The following LAMB4 variants were observed in gnomAD, a reference collection of about 807,000 sequenced individuals.
LAMB4 encodes laminin subunit beta 4, also known as laminin subunit beta-4.
In LAMB4, 196 loss-of-function variants were observed where a neutral mutation model predicts 199.2. The ratio of observed to expected loss-of-function variants is 0.98; its 90% CI spans 0.88 to 1.11. The LOEUF (loss-of-function observed/expected upper bound fraction) is 1.11, where lower values mean the gene tolerates loss of function less well. LAMB4 is among the 50% of genes least tolerant of loss of function. The pLI, the probability that LAMB4 is intolerant of heterozygous loss-of-function variation, is 0.00. For synonymous variants in LAMB4, 744 were observed against 770.6 expected, an observed-to-expected ratio of 0.97 and a Z score of 0.57; for missense variants, 2,080 against 2,171.2, an observed-to-expected ratio of 0.96 and a Z score of 0.83.
intron 28 of LAMB4, among the ~76,000 whole-genome samples, chr7:108,046,961 C>T (rs1033792732): frequency 1.3e-5 from 2 of 151,572 alleles, no homozygotes; most frequent in Non-Finnish European, 2.9e-5. Context: ...GAGATACGGC[C>T]TCCCTGTGTT....
chr7:108,043,543 A>ATTTTTTTTTTT (rs1385299702), intron 29 of LAMB4, among the ~76,000 whole-genome samples: 1 of 59,694 alleles, frequency 1.7e-5, no homozygotes, highest in Non-Finnish European at 2.7e-5. Flanking sequence ...ACTGGCTATG[A>ATTTTTTTTTTT]TGTTTTTTTT....
intron 33 of LAMB4, chr7:108,027,041 G>C: frequency 2.6e-6 from 1 of 384,034 alleles, no homozygotes; most frequent in Non-Finnish European, 5.0e-6. Flanking sequence ...ATGGGGATCA[G>C]TGGAAACAAT....
intron 1 of LAMB4, 26 bp downstream of exon 1, chr7:108,130,280 C>T (rs2038932076): frequency 6.6e-6 from 1 of 152,126 alleles, no homozygotes; most frequent in Non-Finnish European, 1.5e-5. Context: ...TGCCAATTTG[C>T]TAGTGAGAGA....
intron 9 of LAMB4, among the ~76,000 whole-genome samples, chr7:108,103,772 A>G (rs403731): frequency 0.39 from 59,202 of 151,964 alleles, 11,835 homozygotes; most frequent in Admixed American, 0.42. Flanking sequence ...TGTCTTCATG[A>G]TAATGTCTAC....
chr7:108,028,472 A>ATTTTTTTTTTT (rs1195925912), intron 33 of LAMB4, among the ~76,000 whole-genome samples: 1 of 111,816 alleles, frequency 8.9e-6, no homozygotes, highest in Non-Finnish European at 1.8e-5. Context: ...AAAAAAGGGC[A>ATTTTTTTTTTT]TTTTTTTTTT....
chr7:108,079,887 T>A, intron 14 of LAMB4, 101 bp from the exon 15 acceptor site: 2 of 802,816 alleles, frequency 2.5e-6, no homozygotes, highest in Non-Finnish European at 3.8e-6. Flanking sequence ...TATTTCCTGG[T>A]GTGTATATGA....
downstream of LAMB4, among the ~76,000 whole-genome samples, chr7:108,019,092 T>C (rs2034639395): frequency 6.6e-6 from 1 of 152,176 alleles, no homozygotes; most frequent in South Asian, 2.1e-4. Context: ...GTAACAAATA[T>C]CCACACACTT....
At chr7:108,087,380 C>T (rs140973692) in intron 14 of LAMB4, among the ~76,000 whole-genome samples, 3 of 152,318 alleles carry the variant, frequency 2.0e-5, no homozygotes, top group Non-Finnish European at 2.9e-5. Context: ...AGACAGCCAA[C>T]GTCTGCTTTC....
At chr7:108,096,949 A>T (rs1435007380) in intron 11 of LAMB4, among the ~76,000 whole-genome samples, 3 of 126,676 alleles carry the variant, frequency 2.4e-5, no homozygotes, top group African/African-American at 9.5e-5. Flanking sequence ...CAAAAAAAAA[A>T]AAAAAAAAAA....
At chr7:108,123,278 G>T in intron 1 of LAMB4, 81 bp from the exon 2 acceptor site, 1 of 794,964 alleles carries the variant, frequency 1.3e-6, no homozygotes, top group Non-Finnish European at 2.1e-6. Context: ...AGTGCTTAGG[G>T]TTATCGAATG....
Position 108,103,114 on chromosome 7 carries a change from G to T in LAMB4, c.1110C>A (p.His370Gln). Residue 370 changes from histidine to glutamine, a missense_variant, in exon 10 of 34, where the codon CAC (histidine) becomes CAA (glutamine). His to Gln is a conservative substitution (Grantham distance 24). Coordinates refer to ENST00000388781, the MANE Select transcript of LAMB4 (RefSeq NM_007356.3). The part of the protein sequence containing the change: ...EDCQHNTEGQ[H>Q]CDRCRPLFYR... The stretch of plus-strand genomic sequence containing the variant: ...AGAAGAGGGGTCTGCAGCGGTCGCA[G>T]TGCTGCCCCTCAGTGTTGTGCTGGC... 6.2e-7 allele frequency: 1 copy of T among 1,613,900 alleles called. No homozygotes were observed. Among genetic ancestry groups the T allele is most frequent in the Non-Finnish European group, 8.5e-7 (1 of 1,179,860 alleles).
intron 26 of LAMB4, among the ~76,000 whole-genome samples, chr7:108,050,892 T>G (rs1393908209): frequency 1.3e-5 from 2 of 152,212 alleles, no homozygotes; most frequent in Non-Finnish European, 2.9e-5. Context: ...TTGAAGCAGC[T>G]TGAAGATGCT....
Position 108,052,123 on chromosome 7 carries a change from G to A in LAMB4, c.3890C>T (p.Ser1297Phe), listed in dbSNP as rs761572743. 2 of 1,611,218 alleles carry A rather than the reference G, an allele frequency of 1.2e-6. No homozygotes were observed. The highest frequency in any genetic ancestry group is 2.7e-5 in the African/African-American group (2 of 74,858). The change falls in exon 26 of 34, where the codon TCC becomes TTC. Residue 1297 changes from serine (S) to phenylalanine (F), a missense_variant. By Grantham distance (155) the Ser-to-Phe change is radical (BLOSUM62 -2). Coordinates refer to ENST00000388781, the MANE Select transcript of LAMB4 (RefSeq NM_007356.3). ...EDLQEEIDLQSSVLNASIADS... is the reference protein window; with the variant it reads ...EDLQEEIDLQFSVLNASIADS... ...CGCAATGCTTGCATTAAGGACACTGGATTGCAAATCAATTTCTTCCTGAAG... is the reference window on the plus strand; with the variant it reads ...CGCAATGCTTGCATTAAGGACACTGAATTGCAAATCAATTTCTTCCTGAAG...
intron 16 of LAMB4, 151 bp from the exon 17 acceptor site, chr7:108,077,215 G>T: frequency 1.4e-6 from 1 of 693,442 alleles, no homozygotes; most frequent in Non-Finnish European, 2.4e-6. Flanking sequence ...CAGCACAGGT[G>T]GGTTGGTTGG....
Position 108,066,433 on chromosome 7 carries a change from A to G in LAMB4, c.2614T>C (p.Cys872Arg). Reference sequence around the variant, plus strand: ...AAGCATGACCCTGTCTCAGGATCACAAAGTTCAGCAAACCTATTACAAGGG... The same window carrying G: ...AAGCATGACCCTGTCTCAGGATCACGAAGTTCAGCAAACCTATTACAAGGG... The part of the protein sequence containing the change: ...PCPCNRFAEL[C>R]DPETGSCFNC... The change falls in exon 20 of 34, where the codon TGT becomes CGT. Residue 872 changes from cysteine (C) to arginine (R), a missense_variant. Coordinates refer to ENST00000388781, the MANE Select transcript of LAMB4 (RefSeq NM_007356.3). 6.2e-7 allele frequency: 1 copy of G among 1,614,242 alleles called. No homozygotes were observed. The highest frequency in any genetic ancestry group is 2.2e-5 in the East Asian group (1 of 44,888).
At chr7:108,011,687 T>A in the LAMB4 span, among the ~76,000 whole-genome samples, 1 of 152,042 alleles carries the variant, frequency 6.6e-6, no homozygotes, top group Non-Finnish European at 1.5e-5. Flanking sequence ...CCAAAGTGCA[T>A]GGATTACAGG....
intron 10 of LAMB4, among the ~76,000 whole-genome samples, chr7:108,100,779 TA>T (rs1352903911): frequency 6.6e-6 from 1 of 152,178 alleles, no homozygotes; most frequent in Non-Finnish European, 1.5e-5. Flanking sequence ...TTTAAAACAA[TA>T]AAAGTTATGT....
chr7:108,113,598 G>T (rs2038306176), intron 3 of LAMB4, among the ~76,000 whole-genome samples: 1 of 152,222 alleles, frequency 6.6e-6, no homozygotes, highest in Non-Finnish European at 1.5e-5. Flanking sequence ...TCTATCAAAA[G>T]TGATGGTCTT....
At chr7:108,113,917 C>A (rs1490439261) in intron 3 of LAMB4, among the ~76,000 whole-genome samples, 1 of 152,220 alleles carries the variant, frequency 6.6e-6, no homozygotes, top group Admixed American at 6.5e-5. Context: ...CTATAATACA[C>A]TTTGTCAGCC....
Sources: allele counts gnomAD v4.1 joint callset (sites outside exome capture counted in the v4.1 genomes callset), GRCh38; gene constraint gnomAD v4.1.1; transcripts MANE v1.5; gene names NCBI Gene and HGNC (gene_info 2026-07-23, HGNC 2026-07-21).